Variants in TOMM20L observed in about 807,000 individuals in gnomAD.
The protein encoded by TOMM20L is TOMM20-like protein 1.
A neutral mutation model predicts 20.4 loss-of-function variants in TOMM20L; 19 were observed. The ratio of observed to expected loss-of-function variants is 0.93; its 90% confidence interval spans 0.65 to 1.36. The LOEUF (loss-of-function observed/expected upper bound fraction) is 1.36, where lower values mean the gene tolerates loss of function less well. TOMM20L is among the 40% of genes most tolerant of loss of function. The pLI is 0.00. For missense variants in TOMM20L, 218 were observed against 203.7 expected, an observed-to-expected ratio of 1.07 and a Z score of -0.43; for synonymous variants, 75 against 79.6, an observed-to-expected ratio of 0.94 and a Z score of 0.30.
At chr14:58,410,659 T>G (rs1162398708), downstream of TOMM20L, among the ~76,000 whole-genome samples, 1 of 152,220 alleles carries the variant, frequency 6.6e-6, no homozygotes, top group East Asian at 1.9e-4. Context: ...GTAACTGTCA[T>G]TAAATTTGGC....
chr14:58,396,444 C>A, intron 2 of TOMM20L, 103 bp downstream of exon 2: 1 of 1,310,018 alleles, frequency 7.6e-7, no homozygotes, highest in Non-Finnish European at 1.1e-6. Flanking sequence ...TTAGTTCCCT[C>A]AGCCGCCCGT....
At chr14:58,406,422 C>T (rs981794575) in intron 3 of TOMM20L, among the ~76,000 whole-genome samples, 4 of 152,100 alleles carry the variant, frequency 2.6e-5, no homozygotes, top group African/African-American at 7.2e-5. Context: ...TGTATTTCAA[C>T]TGATAAATGG....
Position 58,401,106 on chromosome 14 carries a change from C to T in TOMM20L, c.181-1574C>T, listed in dbSNP as rs565490022. On this transcript the variant is annotated intron_variant, in intron 2 of 4. Coordinates refer to ENST00000360945, the MANE Select transcript of TOMM20L (RefSeq NM_207377.3). ...GGACTTCGTCTTGTACCTACATGATCACTTTCCCTTTATTAGACTGTGGCT... is the reference window on the plus strand; with the variant it reads ...GGACTTCGTCTTGTACCTACATGATTACTTTCCCTTTATTAGACTGTGGCT... Among the ~76,000 whole-genome samples, 406 of 152,340 alleles carry T rather than the reference C, an allele frequency of 2.7e-3. 1 individual carries two copies. In the Middle Eastern group the frequency reaches 0.031, roughly 11 times the overall value.
intron 1 of TOMM20L, 49 bp downstream of exon 1, chr14:58,396,142 G>T: frequency 7.8e-7 from 1 of 1,277,542 alleles, no homozygotes; most frequent in South Asian, 3.0e-5. Flanking sequence ...AGCGCGGGCG[G>T]GCTGCCGGCC....
At chr14:58,405,880 C>G (rs1018924610) in intron 3 of TOMM20L, among the ~76,000 whole-genome samples, 2 of 152,200 alleles carry the variant, frequency 1.3e-5, no homozygotes, top group East Asian at 3.8e-4. Context: ...GCTGCTTATT[C>G]TTTAATTCTT....
intron 2 of TOMM20L, among the ~76,000 whole-genome samples, chr14:58,396,728 G>C (rs1043344432): frequency 3.9e-5 from 6 of 152,246 alleles, no homozygotes; most frequent in African/African-American, 1.4e-4. Context: ...CTTTCTTGTA[G>C]CTCAGAAGCA....
intron 2 of TOMM20L, among the ~76,000 whole-genome samples, chr14:58,401,639 C>G (rs924665928): frequency 6.6e-6 from 1 of 150,986 alleles, no homozygotes; most frequent in Non-Finnish European, 1.5e-5. Flanking sequence ...TGGGGGAAAA[C>G]AAAAACAAAA....
intron 3 of TOMM20L, among the ~76,000 whole-genome samples, chr14:58,406,684 G>A (rs1214158084): frequency 6.6e-6 from 1 of 152,136 alleles, no homozygotes; most frequent in Admixed American, 6.5e-5. Context: ...ACAAGGGAGT[G>A]GGATTAAAGT....
At chr14:58,410,721 A>G (rs1595007650), downstream of TOMM20L, 7 of 668,388 alleles carry the variant, frequency 1.0e-5, no homozygotes, top group South Asian at 1.4e-4. Context: ...CTTCCAAGCA[A>G]TGGAACATAA....
downstream of TOMM20L, chr14:58,409,315 T>C (rs2036133304): frequency 1.2e-6 from 1 of 837,560 alleles, no homozygotes; most frequent in Non-Finnish European, 1.8e-6. Flanking sequence ...CAACTGACCA[T>C]AGCTTTTAAT....
At chr14:58,413,373 A>T (rs1466092714), downstream of TOMM20L, among the ~76,000 whole-genome samples, 6 of 152,354 alleles carry the variant, frequency 3.9e-5, no homozygotes, top group Admixed American at 2.6e-4. Context: ...AACAAACACC[A>T]GTTAACAAAC....
intron 3 of TOMM20L, among the ~76,000 whole-genome samples, chr14:58,405,160 G>A (rs2036042443): frequency 1.3e-5 from 2 of 151,942 alleles, no homozygotes; most frequent in South Asian, 2.1e-4. Flanking sequence ...TAGACACAGG[G>A]TTTCACCATG....
intron 3 of TOMM20L, among the ~76,000 whole-genome samples, chr14:58,405,726 C>T (rs1264334224): frequency 1.3e-5 from 2 of 152,056 alleles, no homozygotes; most frequent in African/African-American, 2.4e-5. Flanking sequence ...AGGCTGGTCT[C>T]GAACTGACCT....
chr14:58,398,839 C>T (rs2035957187), intron 2 of TOMM20L: 1 of 151,600 alleles, frequency 6.6e-6, no homozygotes, highest in African/African-American at 2.4e-5. Flanking sequence ...AGAAGCAGCA[C>T]AAGCAGGATT....
intron 3 of TOMM20L, among the ~76,000 whole-genome samples, chr14:58,405,408 C>G (rs963527925): frequency 6.6e-6 from 1 of 152,170 alleles, no homozygotes; most frequent in African/African-American, 2.4e-5. Flanking sequence ...TATTCCTATT[C>G]ACTGTATGCT....
intron 2 of TOMM20L, among the ~76,000 whole-genome samples, chr14:58,402,214 TTAAATATTA>T (rs1408879711): frequency 1.3e-5 from 2 of 152,200 alleles, no homozygotes; most frequent in East Asian, 1.9e-4. Context: ...GAAAATTGGT[TTAAATATTA>T]TAAAGAACAA....
intron 3 of TOMM20L, among the ~76,000 whole-genome samples, chr14:58,405,087 GCCT>G (rs1369111321): frequency 6.6e-6 from 1 of 151,826 alleles, no homozygotes; most frequent in Non-Finnish European, 1.5e-5. Context: ...TCCGGCCTCA[GCCT>G]CCTAAGTAGC....
chr14:58,396,061 G>T lies in TOMM20L; in HGVS notation c.104G>T (p.Gly35Val). The T allele has an allele frequency of 7.1e-7, 1 of 1,412,104 alleles. No individual in the cohort carries two copies. The highest frequency in any genetic ancestry group is 1.5e-5 in the African/African-American group (1 of 67,156). The allele number at this position is 1,412,104 out of a possible 1,614,324, so 87.5% of individuals were successfully genotyped here. A position where few individuals can be genotyped will look rare whatever the true frequency, so the allele number is the denominator to read the frequency against. The change falls in exon 1 of 5, where the codon GGG becomes GTG. Residue 35 changes from glycine (G) to valine (V), a missense_variant. Coordinates refer to ENST00000360945, the MANE Select transcript of TOMM20L (RefSeq NM_207377.3). ...YCIYLNRKRRGDPAFKRRLRD... is the reference protein window; with the variant it reads ...YCIYLNRKRRVDPAFKRRLRD... ...ATTTACCTCAACCGGAAGCGGCGCG[G>T]GGACCCCGCGTTCAAGCGCCGCCTG...
At chr14:58,413,843 T>A in the TOMM20L span, among the ~76,000 whole-genome samples, 1 of 150,422 alleles carries the variant, frequency 6.6e-6, no homozygotes, top group Non-Finnish European at 1.5e-5. Flanking sequence ...CCGTCTTTAC[T>A]AAAAATACAA....
Sources: gnomAD v4.1 joint callset for allele counts (sites outside exome capture counted in the v4.1 genomes callset) on GRCh38, gnomAD v4.1.1 for gene constraint, MANE v1.5 for transcripts, NCBI Gene and HGNC (gene_info 2026-07-23, HGNC 2026-07-21) for gene names.